RBFOX1: variants seen among roughly 807,000 people sequenced by gnomAD.
RBFOX1 encodes RNA binding protein fox-1 homolog 1.
RBFOX1 carries 8 observed loss-of-function variants against 57.7 expected under a neutral mutation model. That is an observed-to-expected ratio of 0.14 (90% CI 0.08 to 0.25). The LOEUF is 0.25. RBFOX1 is among the 10% of genes least tolerant of loss of function. The pLI is 1.00. For missense variants in RBFOX1, 611 were observed against 548.5 expected (o/e 1.11, Z -1.14); for synonymous variants, 326 against 222.4 (o/e 1.47, Z -4.15).
At chr16:7,470,584 ATGGATGGG>A (rs1446227088) in intron 4 of RBFOX1, among the ~76,000 whole-genome samples, 1 of 151,642 alleles carries the variant, frequency 6.6e-6, no homozygotes, top group African/African-American at 2.4e-5. Context: ...GGATGGATGG[ATGGATGGG>A]CGGATGGATG....
chr16:5,368,476 C>G (rs1361881215), intron 1 of RBFOX1, among the ~76,000 whole-genome samples: 1 of 152,128 alleles, frequency 6.6e-6, no homozygotes, highest in Non-Finnish European at 1.5e-5. Context: ...ACCTTTACAG[C>G]AAGAGAAAAT....
At chr16:7,350,731 G>C (rs886654818) in intron 4 of RBFOX1, among the ~76,000 whole-genome samples, 3 of 152,130 alleles carry the variant, frequency 2.0e-5, no homozygotes, top group Non-Finnish European at 4.4e-5. Context: ...GGAGAATTCT[G>C]CCCTAAAAAG....
intron 3 of RBFOX1, among the ~76,000 whole-genome samples, chr16:6,870,399 T>A (rs886104295): frequency 2.0e-5 from 3 of 152,228 alleles, no homozygotes; most frequent in African/African-American, 7.2e-5. Context: ...ATTTGGATTG[T>A]TTCAGCAAGT....
intron 1 of RBFOX1, among the ~76,000 whole-genome samples, chr16:5,407,581 C>A (rs538361682): frequency 4.6e-5 from 7 of 152,008 alleles, no homozygotes; most frequent in Non-Finnish European, 8.8e-5. Context: ...TTTTGTCTCA[C>A]TCTGTCACCC....
chr16:7,082,574 AT>A (rs1394662029), intron 4 of RBFOX1, among the ~76,000 whole-genome samples: 19 of 151,732 alleles, frequency 1.3e-4, no homozygotes, highest in African/African-American at 4.3e-4. Flanking sequence ...AAAAAAAAAA[AT>A]AAAAATTAAA....
intron 1 of RBFOX1, among the ~76,000 whole-genome samples, chr16:6,128,822 C>T (rs1016355571): frequency 3.9e-5 from 6 of 152,162 alleles, no homozygotes; most frequent in African/African-American, 1.2e-4. Context: ...GGGATCCAAG[C>T]AACCCAGAGT....
At chr16:5,311,735 C>T (rs1447043721) in intron 1 of RBFOX1, among the ~76,000 whole-genome samples, 5 of 152,090 alleles carry the variant, frequency 3.3e-5, no homozygotes, top group African/African-American at 1.2e-4. Context: ...GTCCACTTTT[C>T]GATGGGATGA....
At chr16:6,874,462 G>A (rs991405010) in intron 3 of RBFOX1, among the ~76,000 whole-genome samples, 2 of 135,984 alleles carry the variant, frequency 1.5e-5, no homozygotes, top group Non-Finnish European at 3.1e-5. Context: ...GTTAGTGGAA[G>A]ATCATGCCAC....
rs140790273 is a variant in RBFOX1, at chr16:6,126,667, C to T, written c.-127+106675C>T. Among the ~76,000 whole-genome samples, 104 of 152,210 alleles carry T rather than the reference C, an allele frequency of 6.8e-4. No individual in the cohort carries two copies. In the East Asian group the frequency reaches 0.02, roughly 29 times the overall value. The stretch of plus-strand genomic sequence containing the variant: ...TAATATGTATATTCTGGGGGTCTGG[C>T]TCCTCCCCTGGTTTTCACTAGAGCA... On this transcript the variant is annotated intron_variant, in intron 1 of 15. Transcript: ENST00000550418.
chr16:6,350,264 C>G (rs1260601520), intron 2 of RBFOX1, among the ~76,000 whole-genome samples: 7 of 151,648 alleles, frequency 4.6e-5, no homozygotes, highest in Non-Finnish European at 1.0e-4. Context: ...TGGAGAAACC[C>G]TGTCTCTACT....
chr16:7,201,431 A>G (rs1223540925), intron 4 of RBFOX1, among the ~76,000 whole-genome samples: 2 of 151,512 alleles, frequency 1.3e-5, no homozygotes, highest in African/African-American at 4.9e-5. Flanking sequence ...GATCTAGGCA[A>G]GAGAATGCCA....
At chr16:5,695,796 C>T (rs1402410609) in intron 3 of RBFOX1, among the ~76,000 whole-genome samples, 2 of 152,092 alleles carry the variant, frequency 1.3e-5, no homozygotes, top group Non-Finnish European at 1.5e-5. Flanking sequence ...CATTTAGATG[C>T]TCTTCTAAAG....
intron 3 of RBFOX1, among the ~76,000 whole-genome samples, chr16:6,877,316 A>C (rs67982830): frequency 0.23 from 34,406 of 152,182 alleles, 4,032 homozygotes; most frequent in East Asian, 0.28. Flanking sequence ...TTATGTGTGC[A>C]TCTGGCAGAG....
intron 2 of RBFOX1, among the ~76,000 whole-genome samples, chr16:6,583,118 C>T (rs566588251): frequency 6.6e-6 from 1 of 152,220 alleles, no homozygotes; most frequent in African/African-American, 2.4e-5. Context: ...AGTATCAGAG[C>T]CAGCATTCTC....
intron 3 of RBFOX1, among the ~76,000 whole-genome samples, chr16:5,638,959 AT>A (rs2048774320): frequency 6.6e-6 from 1 of 152,180 alleles, no homozygotes; most frequent in Non-Finnish European, 1.5e-5. Flanking sequence ...CAGAAATGCC[AT>A]TCTCTCCTCC....
intron 2 of RBFOX1, among the ~76,000 whole-genome samples, chr16:6,465,658 C>T (rs912479291): frequency 2.9e-5 from 4 of 139,012 alleles, no homozygotes; most frequent in African/African-American, 8.2e-5. Context: ...TTAAATTAAG[C>T]GCTATTGGAG....
chr16:5,788,303 G>A (rs1177297472), intron 3 of RBFOX1, among the ~76,000 whole-genome samples: 1 of 152,144 alleles, frequency 6.6e-6, no homozygotes, highest in African/African-American at 2.4e-5. Flanking sequence ...GTCCTTATTG[G>A]AGACATTTAG....
At chr16:6,968,428 G>A (rs915360691) in intron 3 of RBFOX1, among the ~76,000 whole-genome samples, 1 of 152,030 alleles carries the variant, frequency 6.6e-6, no homozygotes, top group African/African-American at 2.4e-5. Context: ...ATCTCACGCA[G>A]CTGAAATAAA....
At chr16:5,411,470 G>A (rs949582654) in intron 1 of RBFOX1, among the ~76,000 whole-genome samples, 6 of 152,192 alleles carry the variant, frequency 3.9e-5, no homozygotes, top group African/African-American at 1.4e-4. Flanking sequence ...CATCCAGGAG[G>A]AACACAGCCC....
Sources: allele counts gnomAD v4.1 joint callset (sites outside exome capture counted in the v4.1 genomes callset), GRCh38; gene constraint gnomAD v4.1.1; transcripts MANE v1.5; gene names NCBI Gene and HGNC (gene_info 2026-07-23, HGNC 2026-07-21).